The following LRP1B variants were observed in gnomAD, a reference collection of about 807,000 sequenced individuals.
LRP1B encodes the protein low-density lipoprotein receptor-related protein 1B.
Under a neutral mutation model 556.6 loss-of-function variants are expected in LRP1B, and 217 were observed. That is an observed-to-expected ratio of 0.39 (90% confidence interval 0.35 to 0.44). The LOEUF is 0.44. LRP1B is among the 20% of genes least tolerant of loss of function. The pLI is 1.00. For missense variants in LRP1B, 5,053 were observed against 5,620.8 expected (o/e 0.90, Z 3.23); for synonymous variants, 2,047 against 1,865.8 (o/e 1.10, Z -2.50).
Position 141,254,649 on chromosome 2 carries a change from GA to G in LRP1B, c.344-9del. ...GGCAATTGGATAACAGTTCTGTAGA[GA>G]AAAAACAAATATATTCTCTATATTT... is the stretch of plus-strand genomic sequence containing the variant. On this transcript the variant is annotated splice_polypyrimidine_tract_variant and intron_variant, in intron 3 of 90. Transcript: ENST00000389484. 1.3e-6 allele frequency: 2 copies of G among 1,595,766 alleles called. No homozygotes were observed. The highest frequency in any genetic ancestry group is 1.7e-4 in the Middle Eastern group (1 of 5,954).
At chr2:140,273,134 T>C (rs541997950) in intron 85 of LRP1B, among the ~76,000 whole-genome samples, 4 of 151,874 alleles carry the variant, frequency 2.6e-5, no homozygotes, top group Non-Finnish European at 5.9e-5. Flanking sequence ...ATTTCTCAGA[T>C]GTGATCTCGG....
chr2:142,085,241 T>G (rs1038475464), intron 1 of LRP1B, among the ~76,000 whole-genome samples: 4 of 152,312 alleles, frequency 2.6e-5, no homozygotes, highest in Non-Finnish European at 5.9e-5. Flanking sequence ...AGTTTAACCT[T>G]CTCAGGATGT....
At chr2:141,915,654 A>G (rs1262142748) in intron 1 of LRP1B, among the ~76,000 whole-genome samples, 1 of 152,228 alleles carries the variant, frequency 6.6e-6, no homozygotes, top group African/African-American at 2.4e-5. Context: ...GACCAACTAA[A>G]GAATGAAAGA....
At chr2:141,242,105 G>A (rs530693607) in intron 5 of LRP1B, among the ~76,000 whole-genome samples, 29 of 152,120 alleles carry the variant, frequency 1.9e-4, no homozygotes, top group East Asian at 1.2e-3. Context: ...ATCTTAATAT[G>A]AGATGCTTTA....
At chr2:141,780,186 A>G (rs1452461084) in intron 2 of LRP1B, among the ~76,000 whole-genome samples, 2 of 151,944 alleles carry the variant, frequency 1.3e-5, no homozygotes, top group Non-Finnish European at 2.9e-5. Flanking sequence ...AAAAAAGAAG[A>G]ATGTTTTAAA....
intron 3 of LRP1B, among the ~76,000 whole-genome samples, chr2:141,277,234 G>A (rs1237627257): frequency 6.6e-6 from 1 of 152,158 alleles, no homozygotes; most frequent in Non-Finnish European, 1.5e-5. Flanking sequence ...CACAGTGGTT[G>A]AACAAATTTA....
intron 35 of LRP1B, among the ~76,000 whole-genome samples, chr2:140,735,292 A>G (rs538485077): frequency 6.6e-6 from 1 of 152,210 alleles, no homozygotes; most frequent in South Asian, 2.1e-4. Flanking sequence ...GCCTATAAAG[A>G]CAGCAGAGTG....
chr2:140,439,504 A>G (rs1253233662), intron 66 of LRP1B, among the ~76,000 whole-genome samples: 1 of 152,176 alleles, frequency 6.6e-6, no homozygotes, highest in Non-Finnish European at 1.5e-5. Flanking sequence ...TTAAATCTTT[A>G]CATACACAAA....
intron 20 of LRP1B, among the ~76,000 whole-genome samples, chr2:140,948,263 TA>T (rs1695601060): frequency 6.6e-6 from 1 of 152,138 alleles, no homozygotes; most frequent in Non-Finnish European, 1.5e-5. Context: ...CGAGGAGCCT[TA>T]AAAGACATCT....
intron 2 of LRP1B, among the ~76,000 whole-genome samples, chr2:141,720,588 ACAT>A (rs1692776054): frequency 6.6e-6 from 1 of 152,058 alleles, no homozygotes; most frequent in Non-Finnish European, 1.5e-5. Flanking sequence ...CCTTATTTTA[ACAT>A]CGTCATTAAT....
chr2:140,483,198 A>G (rs1175280425), intron 59 of LRP1B, among the ~76,000 whole-genome samples: 3 of 152,164 alleles, frequency 2.0e-5, no homozygotes, highest in African/African-American at 7.2e-5. Context: ...ATCATAATCC[A>G]AATATTATCC....
At position 141,013,642 on chromosome 2, in the gene LRP1B, T is replaced by A. The variant is rs2105385587; in HGVS notation, c.2294A>T (p.Asp765Val). ...CAATGTCACCTCACTTGTTATCAAA[T>A]CTAGTTGAAAAATGGAACCATTCAT... Reference protein sequence around the residue: ...DYMNGSIFQLDLITSEVTLLR... With the variant: ...DYMNGSIFQLVLITSEVTLLR... The change falls in exon 14 of 91, where the codon GAT becomes GTT. Residue 765 changes from aspartate to valine, a missense_variant. By Grantham distance (152) the Asp-to-Val change is radical (BLOSUM62 -3). Around this residue, in one of 5 missense-constraint regions of LRP1B, gnomAD observed 3,619 missense variants for 3,931.9 expected, o/e 0.92. Transcript: ENST00000389484. 5.6e-6 allele frequency: 9 copies of A among 1,612,530 alleles called. No homozygotes were observed. The highest frequency in any genetic ancestry group is 7.6e-6 in the Non-Finnish European group (9 of 1,179,080).
At chr2:140,680,291 A>T (rs553211021) in intron 41 of LRP1B, among the ~76,000 whole-genome samples, 1 of 152,254 alleles carries the variant, frequency 6.6e-6, no homozygotes, top group Non-Finnish European at 1.5e-5. Flanking sequence ...TGCACCGGAG[A>T]AAAACTTGTG....
chr2:142,068,727 T>C (rs919294987), intron 1 of LRP1B, among the ~76,000 whole-genome samples: 1 of 151,606 alleles, frequency 6.6e-6, no homozygotes, highest in Non-Finnish European at 1.5e-5. Flanking sequence ...CAGAGCTGTT[T>C]CCATTACTGT....
At chr2:140,859,041 A>C (rs1485819491) in intron 27 of LRP1B, among the ~76,000 whole-genome samples, 1 of 152,038 alleles carries the variant, frequency 6.6e-6, no homozygotes, top group Non-Finnish European at 1.5e-5. Flanking sequence ...GCTGCTCTTG[A>C]ACTTGTGAGC....
intron 86 of LRP1B, among the ~76,000 whole-genome samples, chr2:140,267,304 G>C (rs1011462426): frequency 6.6e-6 from 1 of 151,900 alleles, no homozygotes; most frequent in African/African-American, 2.4e-5. Flanking sequence ...GGTTTAACTG[G>C]GTGAGGAATG....
chr2:142,067,352 A>C (rs894175467), intron 1 of LRP1B, among the ~76,000 whole-genome samples: 1 of 151,502 alleles, frequency 6.6e-6, no homozygotes, highest in Non-Finnish European at 1.5e-5. Context: ...ATAAAAAAAA[A>C]GTTTAAAAAA....
At chr2:140,872,050 T>TA (rs1693146661) in intron 25 of LRP1B, among the ~76,000 whole-genome samples, 1 of 53,178 alleles carries the variant, frequency 1.9e-5, no homozygotes. Context: ...AAGTCCTTCA[T>TA]GTTTTTTTTT....
At chr2:141,939,580 T>C (rs111239489) in intron 1 of LRP1B, among the ~76,000 whole-genome samples, 3 of 152,100 alleles carry the variant, frequency 2.0e-5, no homozygotes, top group African/African-American at 7.2e-5. Flanking sequence ...AAGCAATAAA[T>C]TATACTAAAA....
Sources: gnomAD v4.1 joint callset for allele counts (sites outside exome capture counted in the v4.1 genomes callset) on GRCh38, gnomAD v4.1.1 for gene constraint, gnomAD v4.1.1 regional missense constraint, MANE v1.5 for transcripts, NCBI Gene and HGNC (gene_info 2026-07-23, HGNC 2026-07-21) for gene names.